FHIT: variants seen among roughly 807,000 people sequenced by gnomAD.
FHIT encodes bis(5'-adenosyl)-triphosphatase.
Under a neutral mutation model 17.9 loss-of-function variants are expected in FHIT, and 19 were observed. That is an observed-to-expected ratio of 1.06 (90% CI 0.74 to 1.56). The LOEUF (loss-of-function observed/expected upper bound fraction) is 1.56, where lower values mean the gene tolerates loss of function less well. Ranked by LOEUF, FHIT falls within the 40% of genes most tolerant of loss-of-function variation. The pLI is 0.00. For synonymous variants in FHIT, 81 were observed against 69.7 expected, an observed-to-expected ratio of 1.16 and a Z score of -0.81; for missense variants, 248 against 189.2, an observed-to-expected ratio of 1.31 and a Z score of -1.82.
Position 60,363,337 on chromosome 3 carries a change from C to T in FHIT, c.103+173523G>A, listed in dbSNP as rs184649149. 2.2e-4 allele frequency among the ~76,000 whole-genome samples: 34 copies of T among 152,236 alleles called. No homozygotes were observed. In the East Asian group the frequency reaches 5.6e-3, roughly 25 times the overall value. On this transcript the variant is annotated intron_variant, in intron 5 of 9. Coordinates refer to ENST00000492590, the MANE Select transcript of FHIT (RefSeq NM_002012.4). ...ATAATTTTGCTTGATCTTTGTGAAT[C>T]TCTGTAGCAACACGGAAAACTGCTT...
chr3:61,044,706 G>T (rs908053678), intron 2 of FHIT, among the ~76,000 whole-genome samples: 3 of 152,106 alleles, frequency 2.0e-5, no homozygotes, highest in African/African-American at 7.2e-5. Flanking sequence ...TGAAATGAAG[G>T]AAAAAATATT....
intron 5 of FHIT, among the ~76,000 whole-genome samples, chr3:60,317,783 T>C (rs568301580): frequency 0.017 from 2,037 of 117,202 alleles, 43 homozygotes; most frequent in Non-Finnish European, 0.017. Context: ...GGGCAAGTTT[T>C]TCTTCTTTTT....
rs774350996 is a variant in FHIT, at chr3:59,922,385, C to T, written c.309G>A (p.Lys103=). 1.2e-6 allele frequency: 2 copies of T among 1,613,816 alleles called. No homozygotes were observed. Among genetic ancestry groups the T allele is most frequent in the Non-Finnish European group, 1.7e-6 (2 of 1,179,956 alleles). The change falls in exon 8 of 10, where the codon AAG becomes AAA. Residue 103 remains lysine (K), a synonymous_variant. Coordinates refer to ENST00000492590, the MANE Select transcript of FHIT (RefSeq NM_002012.4). ...KHVHVHVLPR[K]AGDFHRNDSI... is the part of the protein sequence containing the mutation. ...TGTCATTCCTGTGAAAGTCTCCAGC[C>T]TTCCTGGGAAGAACATGGACGTGAA... is the stretch of plus-strand genomic sequence containing the variant.
chr3:59,924,746 T>G (rs536951153), intron 7 of FHIT, among the ~76,000 whole-genome samples: 1 of 152,252 alleles, frequency 6.6e-6, no homozygotes, highest in Non-Finnish European at 1.5e-5. Flanking sequence ...ATCTCTTTTG[T>G]GAAAGCTGAT....
intron 5 of FHIT, among the ~76,000 whole-genome samples, chr3:60,157,177 G>C (rs1358830059): frequency 6.6e-6 from 1 of 152,162 alleles, no homozygotes; most frequent in Non-Finnish European, 1.5e-5. Context: ...ATCACTGGCT[G>C]CTAAGAGTTG....
At chr3:60,237,383 A>G (rs1704860980) in intron 5 of FHIT, among the ~76,000 whole-genome samples, 2 of 151,548 alleles carry the variant, frequency 1.3e-5, no homozygotes, top group Non-Finnish European at 2.9e-5. Flanking sequence ...AACAGGTTCA[A>G]GTGAAATATA....
chr3:59,841,623 T>C (rs894544854), intron 8 of FHIT, among the ~76,000 whole-genome samples: 4 of 152,162 alleles, frequency 2.6e-5, no homozygotes, highest in African/African-American at 9.7e-5. Flanking sequence ...TCACAGGTGT[T>C]GATGCCTAAT....
At chr3:60,178,270 G>A (rs1400058296) in intron 5 of FHIT, among the ~76,000 whole-genome samples, 1 of 152,068 alleles carries the variant, frequency 6.6e-6, no homozygotes, top group Non-Finnish European at 1.5e-5. Context: ...GGGTTAGCAA[G>A]GGAAAACTAT....
chr3:61,213,900 A>G (rs1344890561), intron 1 of FHIT, among the ~76,000 whole-genome samples: 3 of 152,208 alleles, frequency 2.0e-5, no homozygotes, highest in African/African-American at 7.2e-5. Context: ...CTGCTCCTGA[A>G]TGACTACTGG....
chr3:59,794,453 C>T (rs912826806), intron 8 of FHIT, among the ~76,000 whole-genome samples: 3 of 152,148 alleles, frequency 2.0e-5, no homozygotes, highest in Non-Finnish European at 4.4e-5. Flanking sequence ...TTTTCATTTG[C>T]TATGGAGGCC....
chr3:60,433,095 C>G (rs1272988288), intron 5 of FHIT, among the ~76,000 whole-genome samples: 2 of 152,022 alleles, frequency 1.3e-5, no homozygotes, highest in African/African-American at 4.8e-5. Flanking sequence ...TCCCTGCCCC[C>G]ATCACTATCC....
rs1553690214 is a variant in FHIT at position 60,121,709 on chromosome 3, A to AAACAAAAACACACACACACAC, written c.104-107558_104-107557insGTGTGTGTGTGTGTTTTTGTT. Among the ~76,000 whole-genome samples the AAACAAAAACACACACACACAC allele has an allele frequency of 6.0e-5, 7 of 116,416 alleles. No individual in the cohort carries two copies. In the South Asian group the frequency reaches 1.3e-3, roughly 22 times the overall value. The allele number at this position is 116,416 out of a possible 152,430, so 76.4% of individuals were successfully genotyped here. A position where few individuals can be genotyped will look rare whatever the true frequency, so the allele number is the denominator to read the frequency against. On this transcript the variant is annotated intron_variant, in intron 5 of 9. Transcript: ENST00000492590. Reference sequence around the variant, plus strand: ...AAAAAACAAACAAACAAACAAAACAAACACACACACACACACACACACACA... The same window carrying AAACAAAAACACACACACACAC: ...AAAAAACAAACAAACAAACAAAACAAAACAAAAACACACACACACACACACACACACACACACACACACACA...
At chr3:60,929,812 C>T (rs1707850504) in intron 3 of FHIT, among the ~76,000 whole-genome samples, 1 of 152,112 alleles carries the variant, frequency 6.6e-6, no homozygotes, top group South Asian at 2.1e-4. Flanking sequence ...GATTCAACGC[C>T]ATCCCCATCA....
intron 3 of FHIT, among the ~76,000 whole-genome samples, chr3:60,889,873 A>T (rs1316238202): frequency 6.6e-6 from 1 of 152,198 alleles, no homozygotes; most frequent in Non-Finnish European, 1.5e-5. Flanking sequence ...TGAGATATGC[A>T]ATCCTTTTTG....
chr3:60,366,828 T>C (rs572231293), intron 5 of FHIT, among the ~76,000 whole-genome samples: 6 of 152,280 alleles, frequency 3.9e-5, no homozygotes, highest in African/African-American at 9.6e-5. Context: ...GACAATCCTA[T>C]AGACAGCAAC....
intron 3 of FHIT, among the ~76,000 whole-genome samples, chr3:60,870,793 C>T (rs960885969): frequency 8.5e-5 from 13 of 152,192 alleles, no homozygotes; most frequent in Admixed American, 2.6e-4. Context: ...TAGGTTACCG[C>T]GTCTCACAAA....
chr3:61,132,672 A>C (rs1329917138), intron 2 of FHIT, among the ~76,000 whole-genome samples: 1 of 152,226 alleles, frequency 6.6e-6, no homozygotes, highest in Non-Finnish European at 1.5e-5. Flanking sequence ...CAGTGACTTG[A>C]GCAAACTGTA....
intron 4 of FHIT, among the ~76,000 whole-genome samples, chr3:60,684,941 C>T (rs1307858058): frequency 6.6e-6 from 1 of 152,140 alleles, no homozygotes; most frequent in Non-Finnish European, 1.5e-5. Context: ...AAAATATACT[C>T]TGAGCTTTCT....
chr3:61,065,949 T>G (rs1315624233), intron 2 of FHIT, among the ~76,000 whole-genome samples: 1 of 152,130 alleles, frequency 6.6e-6, no homozygotes, highest in Admixed American at 6.5e-5. Flanking sequence ...TAACAGGACC[T>G]GAGACTAGGT....
Sources: gnomAD v4.1 joint callset for allele counts (sites outside exome capture counted in the v4.1 genomes callset) on GRCh38, gnomAD v4.1.1 for gene constraint, MANE v1.5 for transcripts, NCBI Gene and HGNC (gene_info 2026-07-23, HGNC 2026-07-21) for gene names.